Variants in COMMD5 observed in about 807,000 individuals in gnomAD.
COMMD5 encodes the protein COMM domain containing 5, also known as COMM domain-containing protein 5.
COMMD5 carries 10 observed loss-of-function variants against 6.9 expected under a neutral mutation model. That is an observed-to-expected ratio of 1.44 (90% confidence interval 0.89 to 2.45). COMMD5 has a LOEUF of 2.45. Among genes scored for constraint, COMMD5 ranks in the 30% most tolerant of loss-of-function variants. The probability of loss-of-function intolerance (pLI) is 0.00; values close to 1 mark genes in which losing one functional copy is unlikely to be tolerated. For missense variants in COMMD5, 234 were observed against 287.8 expected, an observed-to-expected ratio of 0.81 and a Z score of 1.35; for synonymous variants, 127 against 125.3, an observed-to-expected ratio of 1.01 and a Z score of -0.09.
At chr8:144,849,011 G>A (rs1404801371), downstream of COMMD5, among the ~76,000 whole-genome samples, 1 of 152,200 alleles carries the variant, frequency 6.6e-6, no homozygotes, top group Non-Finnish European at 1.5e-5. Context: ...AATGAGAGAC[G>A]GCGAGAGGTC....
chr8:144,849,890 C>T (rs1830659243), downstream of COMMD5, among the ~76,000 whole-genome samples: 2 of 152,108 alleles, frequency 1.3e-5, no homozygotes, highest in Admixed American at 1.3e-4. Context: ...GAGCCAAAGT[C>T]CTTAAAAGGC....
exon 2 of COMMD5, chr8:144,841,560 CTG>C (rs1563840234): frequency 6.2e-7 from 1 of 1,614,076 alleles, no homozygotes; most frequent in Non-Finnish European, 8.5e-7. Context: ...TCCAAAATAA[CTG>C]TTTGAATGAG....
downstream of COMMD5, chr8:144,838,053 C>T (rs774206131): frequency 3.3e-5 from 23 of 693,642 alleles, no homozygotes; most frequent in South Asian, 1.8e-4. Context: ...CAAGCAGGGC[C>T]GTGCCCCCCT....
Position 144,850,741 on chromosome 8 carries a change from G to C in COMMD5, c.598C>G (p.Leu200Val), listed in dbSNP as rs958894238. 6.2e-7 allele frequency: 1 copy of C among 1,614,182 alleles called. No homozygotes were observed. Among genetic ancestry groups the C allele is most frequent in the Non-Finnish European group, 8.5e-7 (1 of 1,180,050 alleles). The change falls in exon 2 of 2, where the codon CTG becomes GTG. Residue 200 changes from leucine (L) to valine (V), a missense_variant. Coordinates refer to ENST00000305103, the MANE Select transcript of COMMD5 (RefSeq NM_014066.4). This position sits in a 1 kb window ranked among gnomAD's most constrained non-coding sequence, Gnocchi z 4.0. ...FEVPTAKFQE[L>V]RYSVALVLKE... ...AGGACCAGGGCCACGCTGTACCGCA[G>C]CTCCTGGAACTTGGCTGTGGGGACC...
chr8:144,850,591 A>T lies in COMMD5; in HGVS notation c.*73T>A. 10 of 1,508,850 alleles carry T rather than the reference A, an allele frequency of 6.6e-6. No homozygotes were observed. Among genetic ancestry groups the T allele is most frequent in the South Asian group, 1.2e-5 (1 of 80,002 alleles). The allele number at this position is 1,508,850 out of a possible 1,614,324, so 93.5% of individuals were successfully genotyped here. A position where few individuals can be genotyped will look rare whatever the true frequency, so the allele number is the denominator to read the frequency against. ...GGAAGGGCAGGGCTGTCGTGGGAAG[A>T]GTCAGCTGCACTTTGGCACCATCTC... On this transcript the variant is annotated 3_prime_UTR_variant, in exon 2 of 2. Coordinates refer to ENST00000305103, the MANE Select transcript of COMMD5 (RefSeq NM_014066.4). This position sits in a 1 kb window ranked among gnomAD's most constrained non-coding sequence, Gnocchi z 4.0.
At chr8:144,851,639 A>AG (rs1830751784) in intron 1 of COMMD5, among the ~76,000 whole-genome samples, 3 of 152,030 alleles carry the variant, frequency 2.0e-5, no homozygotes, top group Admixed American at 2.0e-4. Context: ...GCAGAGAAGT[A>AG]GGGGGCAGGG....
Position 144,850,558 on chromosome 8 carries a change from G to A in COMMD5, c.*106C>T. ...CGTTCAAACACTCACTGAAGAGCCT[G>A]CCTCATGGGAAGGGCAGGGCTGTCG... On this transcript the variant is annotated 3_prime_UTR_variant, in exon 2 of 2. Coordinates refer to ENST00000305103, the MANE Select transcript of COMMD5 (RefSeq NM_014066.4). The surrounding 1 kb of genome is among the most constrained non-coding windows in gnomAD (Gnocchi z 4.0). 8.4e-7 allele frequency: 1 copy of A among 1,193,858 alleles called. No homozygotes were observed. The highest frequency in any genetic ancestry group is 1.2e-6 in the Non-Finnish European group (1 of 855,566). The allele number at this position is 1,193,858 out of a possible 1,614,324, so 74.0% of individuals were successfully genotyped here.
rs1339285450 is a variant in COMMD5 at position 144,850,904 on chromosome 8, C to CT, written c.434dup (p.Ala147GlyfsTer8). On this transcript the variant is annotated frameshift_variant, in exon 2 of 2. Transcript: ENST00000305103. LOFTEE classifies it high-confidence loss of function. The surrounding 1 kb of genome is among the most constrained non-coding windows in gnomAD (Gnocchi z 4.0). ...CAGCAACATGCGGCAGCCAGGCCCC[C>CT]TGCTGCTGGGCCACAGAATCAAGGA... The CT allele has an allele frequency of 6.2e-7, 1 of 1,609,446 alleles. No individual in the cohort carries two copies. The highest frequency in any genetic ancestry group is 2.2e-5 in the East Asian group (1 of 44,702).
intron 1 of COMMD5, among the ~76,000 whole-genome samples, chr8:144,844,709 CAAA>C (rs71320849): frequency 3.4e-5 from 3 of 88,616 alleles, no homozygotes; most frequent in East Asian, 3.5e-4. Flanking sequence ...GACTCTGTAT[CAAA>C]AAAAAAAAAA....
chr8:144,851,196 A>T lies in COMMD5; in HGVS notation c.143T>A (p.Phe48Tyr). Reference protein sequence around the residue: ...RLLGDLDRSTFRKLLKFVVSS... With the variant: ...RLLGDLDRSTYRKLLKFVVSS... ...GACCACAAACTTCAGCAACTTTCTG[A>T]ACGTGCTCCTGTCTAGGTCCCCTAG... Residue 48 changes from phenylalanine to tyrosine, a missense_variant, in exon 2 of 2, where the codon TTC becomes TAC. By Grantham distance (22) the Phe-to-Tyr change is conservative. Coordinates refer to ENST00000305103, the MANE Select transcript of COMMD5 (RefSeq NM_014066.4). 1 of 1,613,772 alleles carries T rather than the reference A, an allele frequency of 6.2e-7. No homozygotes were observed. Among genetic ancestry groups the T allele is most frequent in the Non-Finnish European group, 8.5e-7 (1 of 1,180,016 alleles).
At chr8:144,843,218 C>G in intron 1 of COMMD5, 2 of 1,499,322 alleles carry the variant, frequency 1.3e-6, no homozygotes, top group Non-Finnish European at 1.8e-6. Context: ...ATAGCCTTAA[C>G]TTACTTATTT....
exon 2 of COMMD5, chr8:144,841,427 C>T (rs1022674822): frequency 1.2e-6 from 2 of 1,614,082 alleles, no homozygotes; most frequent in African/African-American, 1.3e-5. Context: ...TCCTATGGGA[C>T]AGTGGTCAGA....
chr8:144,846,480 T>C (rs1830517213), downstream of COMMD5: 1 of 297,186 alleles, frequency 3.4e-6, no homozygotes, highest in Non-Finnish European at 6.3e-6. Flanking sequence ...GCTTTCTTGC[T>C]GCAGCAGTGT....
chr8:144,846,245 G>A (rs1830506066), downstream of COMMD5: 1 of 1,462,776 alleles, frequency 6.8e-7, no homozygotes, highest in African/African-American at 1.4e-5. Context: ...GCCAAAAAGG[G>A]GCTGGGGTGC....
downstream of COMMD5, among the ~76,000 whole-genome samples, chr8:144,839,400 C>G (rs1036999080): frequency 6.6e-6 from 1 of 152,246 alleles, no homozygotes; most frequent in Non-Finnish European, 1.5e-5. Context: ...CCTTTCTGCT[C>G]AGTCTCCCTG....
At chr8:144,853,536 C>G (rs1485744662), upstream of COMMD5, 1 of 152,204 alleles carries the variant, frequency 6.6e-6, no homozygotes, top group Non-Finnish European at 1.5e-5. Context: ...CCCCTCCTGT[C>G]GGGTGGCGTC....
chr8:144,842,093 C>A (rs762906749), intron 1 of COMMD5: 1 of 1,614,136 alleles, frequency 6.2e-7, no homozygotes, highest in South Asian at 1.1e-5. Context: ...AGAATCCACA[C>A]AGGAGAGAGG....
downstream of COMMD5, among the ~76,000 whole-genome samples, chr8:144,849,427 C>A (rs1428264152): frequency 6.6e-6 from 1 of 152,134 alleles, no homozygotes; most frequent in South Asian, 2.1e-4. Context: ...CATGTCAGAA[C>A]TGCCCATGGA....
chr8:144,845,101 T>C (rs746159684), intron 1 of COMMD5, among the ~76,000 whole-genome samples: 1 of 152,132 alleles, frequency 6.6e-6, no homozygotes, highest in African/African-American at 2.4e-5. Flanking sequence ...GGATGTAATT[T>C]ATGGTGCGGG....
Sources: gnomAD v4.1 joint callset for allele counts (sites outside exome capture counted in the v4.1 genomes callset) on GRCh38, gnomAD v4.1.1 for gene constraint, Gnocchi (gnomAD v3.1) non-coding constraint, MANE v1.5 for transcripts, NCBI Gene and HGNC (gene_info 2026-07-23, HGNC 2026-07-21) for gene names.